SLCO3A1: variants seen among roughly 807,000 people sequenced by gnomAD.
The protein encoded by SLCO3A1 is PGE1 transporter.
SLCO3A1 carries 27 observed loss-of-function variants against 63.1 expected under a neutral mutation model. The observed-to-expected ratio is 0.43, with a 90% CI of 0.32 to 0.59. The LOEUF is 0.59. SLCO3A1 is among the 20% of genes least tolerant of loss of function. The pLI, the probability that SLCO3A1 is intolerant of heterozygous loss-of-function variation, is 0.09. For synonymous variants in SLCO3A1, 473 were observed against 409.9 expected (o/e 1.15, Z -1.86); for missense variants, 773 against 945.8 (o/e 0.82, Z 2.40).
At chr15:92,149,256 C>G (rs1418933843) in intron 8 of SLCO3A1, 2 of 152,202 alleles carry the variant, frequency 1.3e-5, no homozygotes, top group Non-Finnish European at 2.9e-5. Flanking sequence ...ATTAATCAGC[C>G]ACAGATGGCC....
At chr15:92,094,754 G>T in intron 2 of SLCO3A1, 127 bp from the exon 3 acceptor site, 1 of 626,188 alleles carries the variant, frequency 1.6e-6, no homozygotes, top group East Asian at 2.7e-5. Flanking sequence ...TCCCCTCTAG[G>T]ATTTTTAGAT....
At chr15:92,103,331 G>A (rs1372686240) in intron 3 of SLCO3A1, among the ~76,000 whole-genome samples, 1 of 152,158 alleles carries the variant, frequency 6.6e-6, no homozygotes, top group Non-Finnish European at 1.5e-5. Flanking sequence ...CAGGTGTAAA[G>A]AGAGAGAAAG....
intron 1 of SLCO3A1, among the ~76,000 whole-genome samples, chr15:91,858,919 T>C (rs1391090402): frequency 6.6e-6 from 1 of 152,262 alleles, no homozygotes; most frequent in East Asian, 1.9e-4. Flanking sequence ...CTGCATTTCA[T>C]GCAGAAAGAG....
intron 1 of SLCO3A1, among the ~76,000 whole-genome samples, chr15:91,871,730 A>G (rs79295905): frequency 1.1e-5 from 1 of 89,312 alleles, no homozygotes; most frequent in Non-Finnish European, 2.3e-5. Context: ...TTTTGACTTT[A>G]TGACACTGGG....
At chr15:92,057,030 C>T (rs570199088) in intron 2 of SLCO3A1, among the ~76,000 whole-genome samples, 1 of 152,378 alleles carries the variant, frequency 6.6e-6, no homozygotes, top group African/African-American at 2.4e-5. Context: ...CCTGTCTGTG[C>T]CCTTCCAGAA....
rs762607333 is a variant in SLCO3A1, at chr15:91,854,052, C to T, written c.144C>T (p.Ala48=). 1 of 1,537,732 alleles carries T rather than the reference C, an allele frequency of 6.5e-7. No individual in the cohort carries two copies. Among genetic ancestry groups the T allele is most frequent in the South Asian group, 1.2e-5 (1 of 84,080 alleles). The change falls in exon 1 of 10, where the codon GCC becomes GCT. Residue 48 remains alanine (A), a synonymous_variant. Transcript: ENST00000318445. The surrounding 1 kb of genome is among the most constrained non-coding windows in gnomAD (Gnocchi z 6.4). ...AGATCTTCCTGGTGTCCGAGTGCGC[C>T]CTGATGCTGGCGCAGGGCACGGTGG... is the stretch of plus-strand genomic sequence containing the variant. The part of the protein sequence containing the change: ...NIKIFLVSEC[A]LMLAQGTVGA...
chr15:92,028,348 T>TGGCC (rs1470272432), intron 2 of SLCO3A1, among the ~76,000 whole-genome samples: 2 of 152,164 alleles, frequency 1.3e-5, no homozygotes, highest in African/African-American at 4.8e-5. Context: ...CCCCCCACCC[T>TGGCC]GGCCTTTGCT....
At chr15:92,012,329 G>T (rs139872330) in intron 2 of SLCO3A1, among the ~76,000 whole-genome samples, 128 of 152,220 alleles carry the variant, frequency 8.4e-4, no homozygotes, top group Non-Finnish European at 1.5e-3. Context: ...AGCTTTCTTG[G>T]GCTTTTCTTG....
intron 1 of SLCO3A1, among the ~76,000 whole-genome samples, chr15:91,869,972 C>T (rs1469446296): frequency 2.0e-5 from 3 of 152,136 alleles, no homozygotes; most frequent in African/African-American, 4.8e-5. Context: ...GAGGGCTGTT[C>T]ACAGAATTGG....
At chr15:92,107,157 T>C (rs1176759900) in intron 4 of SLCO3A1, among the ~76,000 whole-genome samples, 1 of 152,242 alleles carries the variant, frequency 6.6e-6, no homozygotes, top group African/African-American at 2.4e-5. Flanking sequence ...AATTGTGATC[T>C]GTATACGCAC....
intron 2 of SLCO3A1, among the ~76,000 whole-genome samples, chr15:92,001,629 G>C (rs2046255809): frequency 6.6e-6 from 1 of 152,162 alleles, no homozygotes; most frequent in South Asian, 2.1e-4. Context: ...TTAGTGGATT[G>C]AGGCTGCATG....
At chr15:92,066,593 TG>T (rs757441923) in intron 2 of SLCO3A1, among the ~76,000 whole-genome samples, 70 of 152,222 alleles carry the variant, frequency 4.6e-4, no homozygotes, top group Non-Finnish European at 9.3e-4. Flanking sequence ...ACTCTGTTTG[TG>T]TGGATCTGGA....
intron 2 of SLCO3A1, among the ~76,000 whole-genome samples, chr15:91,969,810 G>A (rs1224213418): frequency 6.6e-6 from 1 of 152,160 alleles, no homozygotes; most frequent in Non-Finnish European, 1.5e-5. Flanking sequence ...CTATGTCTAT[G>A]GTTTCCTGGT....
At chr15:92,081,955 G>C (rs1471993253) in intron 2 of SLCO3A1, among the ~76,000 whole-genome samples, 1 of 152,250 alleles carries the variant, frequency 6.6e-6, no homozygotes. Flanking sequence ...GTAATGTGGG[G>C]AGGGGCACAT....
chr15:92,113,332 G>T (rs1387016383), intron 4 of SLCO3A1, among the ~76,000 whole-genome samples: 1 of 151,948 alleles, frequency 6.6e-6, no homozygotes, highest in Non-Finnish European at 1.5e-5. Context: ...TTTTCTCTTG[G>T]GCCTTCTTGG....
intron 2 of SLCO3A1, among the ~76,000 whole-genome samples, chr15:92,019,716 A>G (rs1220136051): frequency 6.6e-6 from 1 of 152,208 alleles, no homozygotes; most frequent in Non-Finnish European, 1.5e-5. Flanking sequence ...GGCAGGCAGG[A>G]AAGGGAGGCC....
At chr15:92,077,481 T>C (rs1346987227) in intron 2 of SLCO3A1, among the ~76,000 whole-genome samples, 1 of 152,192 alleles carries the variant, frequency 6.6e-6, no homozygotes, top group Non-Finnish European at 1.5e-5. Context: ...TACCTTGAAC[T>C]GCACTGCTTC....
At chr15:92,005,384 G>A (rs550656932) in intron 2 of SLCO3A1, among the ~76,000 whole-genome samples, 4 of 152,324 alleles carry the variant, frequency 2.6e-5, no homozygotes, top group South Asian at 2.1e-4. Flanking sequence ...CTTCAAGAGC[G>A]TCTGGAAAGT....
At chr15:92,150,153 T>C (rs907618323) in intron 8 of SLCO3A1, among the ~76,000 whole-genome samples, 1 of 152,126 alleles carries the variant, frequency 6.6e-6, no homozygotes, top group Non-Finnish European at 1.5e-5. Flanking sequence ...AGGAGTCCAA[T>C]GTTCGAGGGC....
Sources: allele counts gnomAD v4.1 joint callset (sites outside exome capture counted in the v4.1 genomes callset), GRCh38; gene constraint gnomAD v4.1.1; non-coding constraint Gnocchi (gnomAD v3.1); transcripts MANE v1.5; gene names NCBI Gene and HGNC (gene_info 2026-07-23, HGNC 2026-07-21).